Variants in PTPN3 observed in about 807,000 individuals in gnomAD.
The protein encoded by PTPN3 is protein tyrosine phosphatase non-receptor type 3, also known as tyrosine-protein phosphatase non-receptor type 3.
Under a neutral mutation model 132.7 loss-of-function variants are expected in PTPN3, and 96 were observed. That is an observed-to-expected ratio of 0.72 (90% CI 0.61 to 0.86). PTPN3 has a LOEUF of 0.86. PTPN3 is among the 40% of genes least tolerant of loss of function. The pLI is 0.00. For synonymous variants in PTPN3, 398 were observed against 429.0 expected, an observed-to-expected ratio of 0.93 and a Z score of 0.89; for missense variants, 1,125 against 1,159.6, an observed-to-expected ratio of 0.97 and a Z score of 0.43.
chr9:109,444,930 T>C (rs956915282), intron 7 of PTPN3, among the ~76,000 whole-genome samples: 1 of 152,260 alleles, frequency 6.6e-6, no homozygotes, highest in Non-Finnish European at 1.5e-5. Context: ...TCAGATCAAA[T>C]GCCTGAGCAA....
At chr9:109,406,287 G>A (rs1841556354) in intron 18 of PTPN3, among the ~76,000 whole-genome samples, 175 bp downstream of exon 18, 1 of 152,106 alleles carries the variant, frequency 6.6e-6, no homozygotes, top group African/African-American at 2.4e-5. Flanking sequence ...CCTCCTGGGG[G>A]CAGATCTTCA....
chr9:109,456,742 T>C (rs956005155), intron 4 of PTPN3, among the ~76,000 whole-genome samples: 1 of 152,188 alleles, frequency 6.6e-6, no homozygotes, highest in Admixed American at 6.5e-5. Context: ...ACTTAATCTT[T>C]TATATTGGTG....
rs369657788 is a variant in PTPN3 at position 109,386,593 on chromosome 9, C to T, written c.2253+2640G>A. Among the ~76,000 whole-genome samples the T allele has an allele frequency of 1.4e-4, 22 of 152,114 alleles. No homozygotes were observed. The East Asian group carries it at 1.5e-3, about 11-fold the overall frequency. On this transcript the variant is annotated intron_variant, in intron 22 of 25. Coordinates refer to ENST00000374541, the MANE Select transcript of PTPN3 (RefSeq NM_002829.4). ...GGATGGAGATCTCAGTATTGAAGGA[C>T]GAGGGTCTTCATCAGGTTGGCAAGG...
chr9:109,408,870 T>TATAC (rs1361967074), intron 16 of PTPN3, among the ~76,000 whole-genome samples: 3 of 146,354 alleles, frequency 2.0e-5, no homozygotes, highest in Non-Finnish European at 4.5e-5. Flanking sequence ...GGGCTTTATA[T>TATAC]ATATATATAT....
chr9:109,413,926 C>A (rs901270688), intron 14 of PTPN3, among the ~76,000 whole-genome samples: 3 of 152,180 alleles, frequency 2.0e-5, no homozygotes, highest in African/African-American at 4.8e-5. Flanking sequence ...GACCTCCCCG[C>A]CCCGCCGCCT....
At chr9:109,387,965 C>T (rs1361368893) in intron 22 of PTPN3, among the ~76,000 whole-genome samples, 2 of 152,018 alleles carry the variant, frequency 1.3e-5, no homozygotes, top group East Asian at 1.9e-4. Context: ...TCCTACTGAC[C>T]GCTGGGGATA....
intron 5 of PTPN3, chr9:109,450,124 A>G: frequency 1.0e-6 from 1 of 984,602 alleles, no homozygotes; most frequent in Non-Finnish European, 1.2e-6. Flanking sequence ...TTAATGGCTA[A>G]AAAGCTTAGG....
chr9:109,425,956 G>A (rs757028136), intron 12 of PTPN3, among the ~76,000 whole-genome samples: 62 of 150,200 alleles, frequency 4.1e-4, no homozygotes, highest in Non-Finnish European at 6.3e-4. Context: ...GGAGGTTGCA[G>A]TGAGCCAAGA....
intron 4 of PTPN3, 56 bp from the exon 5 acceptor site, chr9:109,454,630 T>C (rs2132021902): frequency 7.2e-7 from 1 of 1,395,462 alleles, no homozygotes; most frequent in East Asian, 2.3e-5. Context: ...TCAATGTATG[T>C]AAGTTGCTTC....
At chr9:109,390,935 C>G (rs1215749433) in intron 21 of PTPN3, among the ~76,000 whole-genome samples, 2 of 152,150 alleles carry the variant, frequency 1.3e-5, no homozygotes, top group African/African-American at 2.4e-5. Flanking sequence ...TGTGACTTTT[C>G]AAATTATTTT....
At chr9:109,411,762 T>C (rs886521937) in intron 14 of PTPN3, among the ~76,000 whole-genome samples, 2 of 152,190 alleles carry the variant, frequency 1.3e-5, no homozygotes, top group African/African-American at 4.8e-5. Context: ...AATTTAAATA[T>C]AAAATCTGTA....
intron 5 of PTPN3, chr9:109,450,148 CT>C: frequency 1.0e-6 from 1 of 984,620 alleles, no homozygotes; most frequent in Non-Finnish European, 1.2e-6. Context: ...CATGTCGTAA[CT>C]CTAATATTAT....
At chr9:109,498,352 T>A (rs1192588458), upstream of PTPN3, 1 of 145,890 alleles carries the variant, frequency 6.9e-6, no homozygotes, top group African/African-American at 2.5e-5. The surrounding 1 kb of genome is among the most constrained non-coding windows in gnomAD (Gnocchi z 4.2). Context: ...CCGGCCGGGC[T>A]GGCCGCGACG....
the PTPN3 span, among the ~76,000 whole-genome samples, chr9:109,504,503 T>A: frequency 2.6e-5 from 4 of 151,812 alleles, no homozygotes; most frequent in Non-Finnish European, 4.4e-5. Flanking sequence ...TATAAGGGGG[T>A]CAGCCAGACA....
rs984822940 is a variant in PTPN3, at chr9:109,379,324, T to A, written c.*232A>T. ...GACAGGCCCCAAACTGAGATCCTTT[T>A]TGTATCTTTCCATAGAAATACAGGC... On this transcript the variant is annotated 3_prime_UTR_variant, in exon 26 of 26. Transcript: ENST00000374541. 1.1e-5 allele frequency: 6 copies of A among 525,716 alleles called. No individual in the cohort carries two copies. Among genetic ancestry groups the A allele is most frequent in the African/African-American group, 1.9e-5 (1 of 52,164 alleles). The allele number at this position is 525,716 out of a possible 1,614,324, so 32.6% of individuals were successfully genotyped here. A position where few individuals can be genotyped will look rare whatever the true frequency, so the allele number is the denominator to read the frequency against.
At chr9:109,401,570 G>A (rs1004553557) in intron 19 of PTPN3, among the ~76,000 whole-genome samples, 1 of 152,218 alleles carries the variant, frequency 6.6e-6, no homozygotes, top group Non-Finnish European at 1.5e-5. Flanking sequence ...AGCCACCTGC[G>A]TGAAGGAGGT....
At chr9:109,385,316 G>A (rs1307332597) in intron 22 of PTPN3, among the ~76,000 whole-genome samples, 2 of 152,138 alleles carry the variant, frequency 1.3e-5, no homozygotes, top group Admixed American at 6.5e-5. Flanking sequence ...TAGTGATCTC[G>A]GGCAAATTAC....
At chr9:109,473,215 A>C (rs1173211018) in intron 1 of PTPN3, among the ~76,000 whole-genome samples, 9 of 152,158 alleles carry the variant, frequency 5.9e-5, no homozygotes, top group Non-Finnish European at 1.3e-4. Flanking sequence ...CCAAAAGTAC[A>C]ATTTTGGGAT....
chr9:109,410,542 G>A, intron 14 of PTPN3, 127 bp from the exon 15 acceptor site: 3 of 1,065,390 alleles, frequency 2.8e-6, no homozygotes, highest in Non-Finnish European at 4.1e-6. Context: ...TGCATAGGTT[G>A]TCAGCGGGAT....
Sources: allele counts gnomAD v4.1 joint callset (sites outside exome capture counted in the v4.1 genomes callset), GRCh38; gene constraint gnomAD v4.1.1; non-coding constraint Gnocchi (gnomAD v3.1); transcripts MANE v1.5; gene names NCBI Gene and HGNC (gene_info 2026-07-23, HGNC 2026-07-21).